The following OSTM1 variants were observed in gnomAD, a reference collection of about 807,000 sequenced individuals.
OSTM1 encodes the protein osteoclastogenesis associated transmembrane protein 1, also known as osteopetrosis-associated transmembrane protein 1.
In OSTM1, 26 loss-of-function variants were observed where a neutral mutation model predicts 35.4. The ratio of observed to expected loss-of-function variants is 0.73; its 90% CI spans 0.54 to 1.02. OSTM1 has a LOEUF of 1.02. OSTM1 is among the 50% of genes least tolerant of loss of function. The probability of loss-of-function intolerance (pLI) is 0.00; values close to 1 mark genes in which losing one functional copy is unlikely to be tolerated. For missense variants in OSTM1, 366 were observed against 409.6 expected (o/e 0.89, Z 0.92); for synonymous variants, 181 against 165.0 (o/e 1.10, Z -0.75).
Position 108,051,084 on chromosome 6 carries a change from G to A in OSTM1, c.730C>T (p.Leu244Phe). ...GTTCCAGGTTCAGCCTTATTCTCAA[G>A]TTCATTCATTTTTTGCATTTCACTG... is the stretch of plus-strand genomic sequence containing the variant. ...LYSEMQKMNE[L>F]ENKAEPGTHL... The change falls in exon 4 of 6, where the codon CTT becomes TTT. Residue 244 changes from leucine to phenylalanine, a missense_variant. Around this residue, in one of 3 missense-constraint regions of OSTM1, gnomAD observed 125 missense variants for 151.7 expected, o/e 0.82. Transcript: ENST00000193322. The A allele has an allele frequency of 1.9e-6, 3 of 1,613,708 alleles. No individual in the cohort carries two copies. Among genetic ancestry groups the A allele is most frequent in the Non-Finnish European group, 2.5e-6 (3 of 1,179,762 alleles).
intron 2 of OSTM1, among the ~76,000 whole-genome samples, chr6:108,055,969 G>C (rs1164340018): frequency 6.6e-6 from 1 of 152,160 alleles, no homozygotes; most frequent in African/African-American, 2.4e-5. Context: ...TCAACTGGAA[G>C]TGGAAAGACA....
chr6:108,074,308 C>T lies in OSTM1; in HGVS notation c.344G>A (p.Cys115Tyr). ...SARPVRLCQT[C>Y]YPLFQQVVSK... Reference sequence around the variant, plus strand: ...GACGACCTGTTGGAAGAGGGGGTAGCAGGTCTGACAGAGGCGCACGGGCCG... The same window carrying T: ...GACGACCTGTTGGAAGAGGGGGTAGTAGGTCTGACAGAGGCGCACGGGCCG... Residue 115 changes from cysteine (C) to tyrosine (Y), a missense_variant, in exon 1 of 6, where the codon TGC (cysteine) becomes TAC (tyrosine). Cys to Tyr is a radical substitution (Grantham distance 194). Transcript: ENST00000193322. 6.2e-7 allele frequency: 1 copy of T among 1,612,028 alleles called. No individual in the cohort carries two copies. Among genetic ancestry groups the T allele is most frequent in the Non-Finnish European group, 8.5e-7 (1 of 1,179,852 alleles).
At position 108,054,586 on chromosome 6, in the gene OSTM1, ATC is replaced by A; in HGVS notation, c.518-1_518del. 6.9e-7 allele frequency: 1 copy of A among 1,450,552 alleles called. No individual in the cohort carries two copies. The highest frequency in any genetic ancestry group is 9.7e-7 in the Non-Finnish European group (1 of 1,034,376). The allele number at this position is 1,450,552 out of a possible 1,614,324, so 89.9% of individuals were successfully genotyped here. On this transcript the variant is annotated splice_acceptor_variant and coding_sequence_variant, in exon 3 of 6. Transcript: ENST00000193322. LOFTEE classifies it high-confidence loss of function. ...ATTCTTCACTGTTGTTTGTTAAACA[ATC>A]TGTCAAAAAAATTCAAAAAGTATAT...
chr6:108,051,600 C>T (rs1381882403), intron 3 of OSTM1, among the ~76,000 whole-genome samples: 2 of 152,202 alleles, frequency 1.3e-5, no homozygotes, highest in African/African-American at 4.8e-5. Flanking sequence ...ATCTATCCTA[C>T]TCTCACTGAA....
rs1191718772 is a variant in OSTM1 at position 108,042,779 on chromosome 6, C to T, written c.*2006G>A. 6.6e-6 allele frequency: 1 copy of T among 152,128 alleles called. No individual in the cohort carries two copies. Among genetic ancestry groups the T allele is most frequent in the Admixed American group, 6.6e-5 (1 of 15,252 alleles). The allele number at this position is 152,128 out of a possible 1,614,324, so 9.4% of individuals were successfully genotyped here. A position where few individuals can be genotyped will look rare whatever the true frequency, so the allele number is the denominator to read the frequency against. On this transcript the variant is annotated 3_prime_UTR_variant, in exon 6 of 6. Transcript: ENST00000193322. ...AAACAAATGTGATGTTAAATTACAT[C>T]TGAAATTTTAAAAATGTATTTAAAA...
At position 108,042,414 on chromosome 6, in the gene OSTM1, C is replaced by CTTTTTTTTTTTTTT. The variant is rs58798743; in HGVS notation, c.*2357_*2370dup. ...TAAGACAGACAGTACTTTCTTTTTT[C>CTTTTTTTTTTTTTT]TTTTTTTTTTTTTTTTTTTGAGACA... On this transcript the variant is annotated 3_prime_UTR_variant, in exon 6 of 6. Coordinates refer to ENST00000193322, the MANE Select transcript of OSTM1 (RefSeq NM_014028.4). 7.7e-6 allele frequency: 1 copy of CTTTTTTTTTTTTTT among 129,272 alleles called. No homozygotes were observed. Among genetic ancestry groups the CTTTTTTTTTTTTTT allele is most frequent in the African/African-American group, 2.9e-5 (1 of 34,230 alleles). 8.0% of individuals were successfully genotyped at this position (129,272 alleles called of 1,614,324 possible).
At chr6:108,066,990 A>C (rs1772391562) in intron 1 of OSTM1, among the ~76,000 whole-genome samples, 1 of 152,192 alleles carries the variant, frequency 6.6e-6, no homozygotes, top group Non-Finnish European at 1.5e-5. Flanking sequence ...AACCATCTTG[A>C]AGCCAGCCAT....
intron 1 of OSTM1, among the ~76,000 whole-genome samples, chr6:108,073,053 C>T (rs1772514690): frequency 1.3e-5 from 2 of 152,116 alleles, no homozygotes; most frequent in Admixed American, 6.5e-5. Context: ...CAGGTGATCC[C>T]CCTGCCTCAG....
chr6:108,074,434 A>T lies in OSTM1; in HGVS notation c.218T>A (p.Leu73Gln). The T allele has an allele frequency of 6.4e-7, 1 of 1,560,082 alleles. No individual in the cohort carries two copies. The highest frequency in any genetic ancestry group is 8.7e-7 in the Non-Finnish European group (1 of 1,152,226). The change falls in exon 1 of 6, where the codon CTG becomes CAG. Residue 73 changes from leucine to glutamine, a missense_variant. This residue lies in a region of OSTM1 where 236 missense variants were observed against 239.3 expected (regional missense o/e 0.99). Transcript: ENST00000193322. ...ATCCAGATCCGGCAGGTCCGGGGGC[A>T]GCGACAGAGGCCCCAGCCCTCCACC... ...LQGGGLGPLS[L>Q]PPDLPDLDPE...
intron 1 of OSTM1, among the ~76,000 whole-genome samples, chr6:108,065,864 G>C (rs537106115): frequency 6.6e-6 from 1 of 152,286 alleles, no homozygotes; most frequent in African/African-American, 2.4e-5. Context: ...ATACAGTAGA[G>C]CCTGTATGAG....
chr6:108,074,659 C>T lies in OSTM1; in HGVS notation c.-8G>A, dbSNP rs967794449. On this transcript the variant is annotated 5_prime_UTR_variant, in exon 1 of 6. Transcript: ENST00000193322. ...TGTCGGGCCCGGCTCCATCACCGGG[C>T]TCACACACCCCAGGGAGCCCACCGC... The T allele has an allele frequency of 1.2e-5, 19 of 1,540,066 alleles. No individual in the cohort carries two copies. The highest frequency in any genetic ancestry group is 1.6e-5 in the Non-Finnish European group (18 of 1,149,774).
rs1270470953 is a variant in OSTM1, at chr6:108,044,196, T to C, written c.*589A>G. ...GTTACCATAAATCTTTTTACAAAGA[T>C]AAATGTAATGTGGCTTACTACTTTT... On this transcript the variant is annotated 3_prime_UTR_variant, in exon 6 of 6. Transcript: ENST00000193322. 1.3e-5 allele frequency: 2 copies of C among 152,604 alleles called. No homozygotes were observed. Among genetic ancestry groups the C allele is most frequent in the African/African-American group, 4.8e-5 (2 of 41,452 alleles). The allele number at this position is 152,604 out of a possible 1,614,324, so 9.5% of individuals were successfully genotyped here.
Position 108,074,466 on chromosome 6 carries a change from G to A in OSTM1, c.186C>T (p.Leu62=), listed in dbSNP as rs1408094234. The change falls in exon 1 of 6, where the codon CTC becomes CTT. Residue 62 remains leucine, a synonymous_variant. Transcript: ENST00000193322. The stretch of plus-strand genomic sequence containing the variant: ...GAGGCCCCAGCCCTCCACCCTGCAG[G>A]AGGGACAGGGACAAGTCCTCCACCT... ...LLEVEDLSLS[L]LQGGGLGPLS... 1 of 1,556,908 alleles carries A rather than the reference G, an allele frequency of 6.4e-7. No homozygotes were observed. The highest frequency in any genetic ancestry group is 8.7e-7 in the Non-Finnish European group (1 of 1,150,922).
intron 3 of OSTM1, among the ~76,000 whole-genome samples, chr6:108,051,490 T>C (rs1440516047): frequency 6.6e-6 from 1 of 152,238 alleles, no homozygotes; most frequent in African/African-American, 2.4e-5. Context: ...ACTGCTGCAT[T>C]AGCTAATGTT....
intron 1 of OSTM1, among the ~76,000 whole-genome samples, chr6:108,065,459 A>G (rs746015381): frequency 2.0e-5 from 3 of 151,312 alleles, no homozygotes; most frequent in Non-Finnish European, 4.4e-5. Context: ...ACTGGTCTCG[A>G]ACTCCTGACC....
intron 1 of OSTM1, among the ~76,000 whole-genome samples, chr6:108,066,895 G>A (rs773005799): frequency 2.0e-5 from 3 of 151,918 alleles, no homozygotes; most frequent in Non-Finnish European, 2.9e-5. Flanking sequence ...CCAACACCTC[G>A]CCAAGTGACC....
At chr6:108,070,716 C>G (rs1031856326) in intron 1 of OSTM1, among the ~76,000 whole-genome samples, 9 of 151,654 alleles carry the variant, frequency 5.9e-5, no homozygotes, top group Non-Finnish European at 8.8e-5. Context: ...ATAGTGAAAC[C>G]CTGTCTCTAC....
intron 1 of OSTM1, among the ~76,000 whole-genome samples, chr6:108,071,460 A>ATTTT (rs545759140): frequency 7.7e-5 from 8 of 103,420 alleles, no homozygotes; most frequent in African/African-American, 2.5e-4. Flanking sequence ...CACCCGGCTA[A>ATTTT]TTTTTTTTTT....
chr6:108,053,443 A>T (rs1178475959), intron 3 of OSTM1, among the ~76,000 whole-genome samples: 1 of 152,218 alleles, frequency 6.6e-6, no homozygotes, highest in African/African-American at 2.4e-5. Flanking sequence ...ATGGAATACT[A>T]AACCCTTTCT....
Sources: allele counts gnomAD v4.1 joint callset (sites outside exome capture counted in the v4.1 genomes callset), GRCh38; gene constraint gnomAD v4.1.1; regional missense constraint gnomAD v4.1.1; transcripts MANE v1.5; gene names NCBI Gene and HGNC (gene_info 2026-07-23, HGNC 2026-07-21).